The following PKM variants were observed in gnomAD, a reference collection of about 807,000 sequenced individuals.
PKM encodes pyruvate kinase PKM.
In PKM, 18 loss-of-function variants were observed where a neutral mutation model predicts 49.8. That is an observed-to-expected ratio of 0.36 (90% CI 0.25 to 0.54). PKM has a LOEUF of 0.54. Ranked by LOEUF, PKM falls within the 20% of genes least tolerant of loss-of-function variation. The pLI, the probability that PKM is intolerant of heterozygous loss-of-function variation, is 0.89. For synonymous variants in PKM, 239 were observed against 261.8 expected (o/e 0.91, Z 0.84); for missense variants, 508 against 713.8 (o/e 0.71, Z 3.28).
At chr15:72,207,074 C>A in intron 7 of PKM, 53 bp downstream of exon 7, 1 of 1,605,080 alleles carries the variant, frequency 6.2e-7, no homozygotes, top group Non-Finnish European at 8.5e-7. Context: ...AGAGCTTTCC[C>A]ATACAAACAT....
intron 6 of PKM, among the ~76,000 whole-genome samples, chr15:72,207,739 G>GC (rs1159339471): frequency 6.6e-6 from 1 of 152,250 alleles, no homozygotes; most frequent in Non-Finnish European, 1.5e-5. Context: ...CCTGCTGAAG[G>GC]CAAGAGGGAA....
rs1348148693 is a variant in PKM, at chr15:72,210,386, G to A, written c.339C>T (p.Asp113=). The change falls in exon 4 of 11, where the codon GAC becomes GAT. Residue 113 remains aspartate (D), a synonymous_variant. Transcript: ENST00000335181. ...CAGTTCGGATCTCAGGTCCTTTAGT[G>A]TCTAGAGCCACAGCAACGGGCCGGT... ...ILYRPVAVAL[D]TKGPEIRTGL... 1 of 1,614,128 alleles carries A rather than the reference G, an allele frequency of 6.2e-7. No individual in the cohort carries two copies. The highest frequency in any genetic ancestry group is 8.5e-7 in the Non-Finnish European group (1 of 1,180,020).
intron 1 of PKM, chr15:72,229,432 C>T: frequency 1.8e-6 from 1 of 544,336 alleles, no homozygotes; most frequent in Middle Eastern, 3.4e-4. Flanking sequence ...TGACAACTTC[C>T]CAATGTCTCT....
intron 6 of PKM, 152 bp downstream of exon 6, chr15:72,208,469 A>C (rs1360488917): frequency 1.2e-6 from 1 of 801,764 alleles, no homozygotes; most frequent in African/African-American, 1.7e-5. Flanking sequence ...AATGCCTTCT[A>C]CTCTCCTAAG....
chr15:72,203,306 A>C (rs1178869097), intron 8 of PKM: 5 of 912,884 alleles, frequency 5.5e-6, no homozygotes, highest in Admixed American at 3.7e-5. Flanking sequence ...ACCTTAGGTT[A>C]ATTGGCTAAA....
At chr15:72,221,890 GAA>G (rs2082534979) in intron 1 of PKM, among the ~76,000 whole-genome samples, 4 of 133,750 alleles carry the variant, frequency 3.0e-5, no homozygotes, top group Non-Finnish European at 4.7e-5. Context: ...AACGGCTTAA[GAA>G]GGTCAACCTT....
At position 72,219,114 on chromosome 15, in the gene PKM, G is replaced by T; in HGVS notation, c.-13-4C>A. On this transcript the variant is annotated splice_polypyrimidine_tract_variant and splice_region_variant and intron_variant, in intron 1 of 10. Transcript: ENST00000335181. ...CTTCGACATGGCTGCTGAGGTCCTG[G>T]GTCGAGACAAATTGAAAGAGAGTGG... The T allele has an allele frequency of 6.2e-7, 1 of 1,610,244 alleles. No homozygotes were observed. Among genetic ancestry groups the T allele is most frequent in the Non-Finnish European group, 8.5e-7 (1 of 1,176,926 alleles).
At chr15:72,213,529 C>G (rs1353916170) in intron 3 of PKM, among the ~76,000 whole-genome samples, 1 of 152,226 alleles carries the variant, frequency 6.6e-6, no homozygotes, top group African/African-American at 2.4e-5. Context: ...CTCTCAGGTT[C>G]AAGCGATTCT....
rs759567784 is a variant in PKM at position 72,206,861 on chromosome 15, T to C, written c.1007A>G (p.Lys336Arg). 1 of 1,614,158 alleles carries C rather than the reference T, an allele frequency of 6.2e-7. No individual in the cohort carries two copies. The highest frequency in any genetic ancestry group is 8.5e-7 in the Non-Finnish European group (1 of 1,180,040). Residue 336 changes from lysine (K) to arginine (R), a missense_variant, in exon 8 of 11, where the codon AAG becomes AGG. Coordinates refer to ENST00000335181, the MANE Select transcript of PKM (RefSeq NM_002654.6). ...CATQMLESMIKKPRPTRAEGS... is the reference protein window; with the variant it reads ...CATQMLESMIRKPRPTRAEGS... ...TTCAGCCCGAGTGGGGCGGGGCTTCTTGATCATGCTCTCCAGCATCTGGGA... is the reference window on the plus strand; with the variant it reads ...TTCAGCCCGAGTGGGGCGGGGCTTCCTGATCATGCTCTCCAGCATCTGGGA...
intron 8 of PKM, 38 bp downstream of exon 8, chr15:72,206,690 C>A: frequency 6.2e-7 from 1 of 1,606,316 alleles, no homozygotes; most frequent in South Asian, 1.1e-5. Context: ...CAGGCCCAGT[C>A]CGAAGCCCTG....
chr15:72,199,821 TGCCCCATA>T (rs2081894214), intron 10 of PKM, 65 bp from the exon 11 acceptor site: 1 of 1,038,164 alleles, frequency 9.6e-7, no homozygotes, highest in Admixed American at 1.9e-5. Flanking sequence ...CCTGGGCAGC[TGCCCCATA>T]GCCTGAGTAC....
chr15:72,222,022 AGTAAAAGCTTTTGACAAT>A (rs2082539393), intron 1 of PKM, among the ~76,000 whole-genome samples: 1 of 152,106 alleles, frequency 6.6e-6, no homozygotes, highest in African/African-American at 2.4e-5. Context: ...CAAGCTTTAC[AGTAAAAGCTTTTGACAAT>A]GTTCTGGTAC....
At chr15:72,204,992 C>T (rs949254748) in intron 8 of PKM, among the ~76,000 whole-genome samples, 4 of 152,112 alleles carry the variant, frequency 2.6e-5, no homozygotes, top group African/African-American at 7.2e-5. Flanking sequence ...TGAGACTGCG[C>T]CAAGAGTATC....
At chr15:72,205,649 G>GT (rs953882752) in intron 8 of PKM, among the ~76,000 whole-genome samples, 13 of 80,506 alleles carry the variant, frequency 1.6e-4, no homozygotes, top group Non-Finnish European at 2.8e-4. Flanking sequence ...TTTTTTTTCT[G>GT]TTTTTTCTGG....
Position 72,218,942 on chromosome 15 carries a change from A to C in PKM, c.154+2T>G. On this transcript the variant is annotated splice_donor_variant, in intron 2 of 10. Transcript: ENST00000335181. LOFTEE classifies it high-confidence loss of function. ...TTTGGGGGAAGGGGCACACCCACTC[A>C]CCAATGGTACAGATGATGCCAGTGT... 6.2e-7 allele frequency: 1 copy of C among 1,614,098 alleles called. No homozygotes were observed. The highest frequency in any genetic ancestry group is 8.5e-7 in the Non-Finnish European group (1 of 1,180,012).
At chr15:72,209,923 G>A in intron 4 of PKM, 64 bp from the exon 5 acceptor site, 1 of 1,369,636 alleles carries the variant, frequency 7.3e-7, no homozygotes, top group Non-Finnish European at 1.0e-6. Flanking sequence ...CACCTCAGAA[G>A]GAATGGAAAA....
chr15:72,209,550 T>A, intron 5 of PKM, 123 bp downstream of exon 5: 1 of 812,356 alleles, frequency 1.2e-6, no homozygotes, highest in Non-Finnish European at 2.2e-6. Flanking sequence ...ATAAAAGGGA[T>A]TCCTGAGAAC....
rs748967246 is a variant in PKM, at chr15:72,207,213, T to C, written c.901A>G (p.Ile301Val). 1 of 1,614,050 alleles carries C rather than the reference T, an allele frequency of 6.2e-7. No homozygotes were observed. The highest frequency in any genetic ancestry group is 1.1e-5 in the South Asian group (1 of 91,084). Reference protein sequence around the residue: ...MVARGDLGIEIPAEKVFLAQK... With the variant: ...MVARGDLGIEVPAEKVFLAQK... Reference sequence around the variant, plus strand: ...GCAAGGAAGACCTTCTCTGCAGGAATCTCAATGCCTAGATCACCACGAGCC... The same window carrying C: ...GCAAGGAAGACCTTCTCTGCAGGAACCTCAATGCCTAGATCACCACGAGCC... The change falls in exon 7 of 11, where the codon ATT becomes GTT. Residue 301 changes from isoleucine (I) to valine (V), a missense_variant. Ile to Val is a conservative substitution (Grantham distance 29, BLOSUM62 3). Transcript: ENST00000335181.
chr15:72,207,446 T>G (rs547342414), intron 6 of PKM, among the ~76,000 whole-genome samples, 169 bp from the exon 7 acceptor site: 1 of 152,302 alleles, frequency 6.6e-6, no homozygotes, highest in South Asian at 2.1e-4. Flanking sequence ...CCAGCTACCT[T>G]AGGCCCCCAG....
Sources: gnomAD v4.1 joint callset for allele counts (sites outside exome capture counted in the v4.1 genomes callset) on GRCh38, gnomAD v4.1.1 for gene constraint, MANE v1.5 for transcripts, NCBI Gene and HGNC (gene_info 2026-07-23, HGNC 2026-07-21) for gene names.